PAM16: variants seen among roughly 807,000 people sequenced by gnomAD.
PAM16 encodes presequence translocase associated motor 16.
PAM16 carries 11 observed loss-of-function variants against 17.9 expected under a neutral mutation model. The ratio of observed to expected loss-of-function variants is 0.62; its 90% confidence interval spans 0.39 to 1.02. The LOEUF is 1.02. Ranked by LOEUF, PAM16 falls within the 50% of genes least tolerant of loss-of-function variation. The pLI, the probability that PAM16 is intolerant of heterozygous loss-of-function variation, is 0.01. For missense variants in PAM16, 199 were observed against 165.4 expected (o/e 1.20, Z -1.11); for synonymous variants, 72 against 67.4 (o/e 1.07, Z -0.34).
chr16:4,345,809 C>A, intron 1 of PAM16: 1 of 984,148 alleles, frequency 1.0e-6, no homozygotes, highest in Non-Finnish European at 1.2e-6. Flanking sequence ...CTTCCTAAAG[C>A]CCCTCCCGAG....
At chr16:4,346,056 T>C in intron 1 of PAM16, 1 of 756,670 alleles carries the variant, frequency 1.3e-6, no homozygotes. Flanking sequence ...CTGGGGAGCT[T>C]CCCCGACCAT....
intron 1 of PAM16, chr16:4,344,171 G>A: frequency 2.6e-6 from 1 of 391,462 alleles, no homozygotes; most frequent in Non-Finnish European, 4.5e-6. Context: ...TCAAGACTGA[G>A]ATGGGATTCG....
intron 1 of PAM16, among the ~76,000 whole-genome samples, chr16:4,349,076 C>T (rs1596255836): frequency 6.6e-6 from 1 of 152,064 alleles, no homozygotes; most frequent in Admixed American, 6.6e-5. Flanking sequence ...CTGCCTCAGC[C>T]TCCTGAGTAG....
intron 1 of PAM16, among the ~76,000 whole-genome samples, chr16:4,349,745 C>CGACA (rs1436895544): frequency 6.6e-6 from 1 of 152,018 alleles, no homozygotes; most frequent in Non-Finnish European, 1.5e-5. Flanking sequence ...CTAGCCGGGG[C>CGACA]GACAGACAGA....
intron 1 of PAM16, among the ~76,000 whole-genome samples, chr16:4,350,453 G>C (rs1003876743): frequency 2.6e-5 from 4 of 151,964 alleles, no homozygotes; most frequent in African/African-American, 9.7e-5. Context: ...CCAGGCTAGA[G>C]TGCACTGGCG....
At chr16:4,345,134 G>C (rs1463335618) in intron 1 of PAM16, among the ~76,000 whole-genome samples, 1 of 152,096 alleles carries the variant, frequency 6.6e-6, no homozygotes, top group African/African-American at 2.4e-5. Flanking sequence ...CGTAGACGCA[G>C]GGGGGTGGCG....
intron 2 of PAM16, 156 bp from the exon 3 acceptor site, chr16:4,341,660 T>C: frequency 7.8e-7 from 1 of 1,288,330 alleles, no homozygotes; most frequent in Non-Finnish European, 1.0e-6. Context: ...GTTTCCTTTT[T>C]AGGGGGTAGA....
intron 1 of PAM16, chr16:4,347,403 GTGCTAGGA>G (rs2053775223): frequency 6.6e-6 from 1 of 152,214 alleles, no homozygotes. Context: ...GCTTCCCAAA[GTGCTAGGA>G]TTACAGGTGT....
In PAM16 at chr16:4,340,363, G is replaced by C. The variant is rs752861765; in HGVS notation, c.334C>G (p.Gln112Glu). ...KERLDEELKI[Q>E]AQEDREKGQM... The stretch of plus-strand genomic sequence containing the variant: ...CCTTTTTCTCTGTCCTCCTGGGCCT[G>C]GATTTTGAGTTCCTCATCCAGGCGC... The change falls in exon 5 of 5, where the codon CAG (glutamine) becomes GAG (glutamate). Residue 112 changes from glutamine to glutamate, a missense_variant. Coordinates refer to ENST00000318059, the MANE Select transcript of PAM16 (RefSeq NM_016069.11). 6.2e-7 allele frequency: 1 copy of C among 1,612,974 alleles called. No homozygotes were observed. Among genetic ancestry groups the C allele is most frequent in the Non-Finnish European group, 8.5e-7 (1 of 1,179,926 alleles).
At position 4,348,996 on chromosome 16, in the gene PAM16, C is replaced by T. The variant is rs1401985617; in HGVS notation, c.3+2236G>A. Reference sequence around the variant, plus strand: ...TTGAGACGGAGTCTTGCTCTGTCACCCAGGCCGGAGTGCAGTAGCGCGACC... The same window carrying T: ...TTGAGACGGAGTCTTGCTCTGTCACTCAGGCCGGAGTGCAGTAGCGCGACC... On this transcript the variant is annotated intron_variant, in intron 1 of 4. Transcript: ENST00000318059. 2.1e-5 allele frequency among the ~76,000 whole-genome samples: 3 copies of T among 146,090 alleles called. No individual in the cohort carries two copies. In the Admixed American group the frequency reaches 2.1e-4, roughly 10 times the overall value.
intron 1 of PAM16, among the ~76,000 whole-genome samples, chr16:4,349,213 C>T (rs1222121601): frequency 1.3e-5 from 2 of 151,962 alleles, no homozygotes; most frequent in African/African-American, 2.4e-5. Flanking sequence ...CCTGAGACCC[C>T]CAAAGTGCTG....
rs2053678730 is a variant in PAM16, at chr16:4,343,283, G to A, written c.12C>T (p.Tyr4=). 1.2e-6 allele frequency: 2 copies of A among 1,610,996 alleles called. No individual in the cohort carries two copies. The highest frequency in any genetic ancestry group is 2.7e-5 in the African/African-American group (2 of 75,052). The stretch of plus-strand genomic sequence containing the variant: ...CGCCCATCACAATGATCTGGGCCAG[G>A]TACTTGGCCTGTGGGCAAAGCAGGC... The part of the protein sequence containing the change: MAK[Y]LAQIIVMGVQ... Residue 4 remains tyrosine (Y), a synonymous_variant, in exon 2 of 5, where the codon TAC becomes TAT. Coordinates refer to ENST00000318059, the MANE Select transcript of PAM16 (RefSeq NM_016069.11).
At chr16:4,343,633 AG>A in intron 1 of PAM16, 2 of 1,270,930 alleles carry the variant, frequency 1.6e-6, no homozygotes, top group Non-Finnish European at 2.0e-6. Flanking sequence ...GCCAGAACAC[AG>A]GGACAGCCCT....
intron 4 of PAM16, 42 bp from the exon 5 acceptor site, chr16:4,340,447 G>C (rs199523158): frequency 1.3e-6 from 2 of 1,596,192 alleles, no homozygotes; most frequent in African/African-American, 2.7e-5. Flanking sequence ...CCAAGCCTCC[G>C]CCCCATACCC....
At chr16:4,347,216 G>A (rs1039534309) in intron 1 of PAM16, 1 of 152,148 alleles carries the variant, frequency 6.6e-6, no homozygotes, top group Non-Finnish European at 1.5e-5. Context: ...GGCCATTAGG[G>A]GAATGAACAA....
At chr16:4,346,025 C>CG in intron 1 of PAM16, 1 of 959,806 alleles carries the variant, frequency 1.0e-6, no homozygotes, top group Non-Finnish European at 1.2e-6. Flanking sequence ...AAATAATGAA[C>CG]GGTAAGAGCT....
intron 1 of PAM16, chr16:4,343,627 G>C (rs1229363454): frequency 7.7e-7 from 1 of 1,297,532 alleles, no homozygotes; most frequent in East Asian, 2.8e-5. Flanking sequence ...CTGGGAGCCA[G>C]AACACAGGGA....
chr16:4,350,166 G>A (rs2053826544), intron 1 of PAM16, among the ~76,000 whole-genome samples: 2 of 151,612 alleles, frequency 1.3e-5, no homozygotes, highest in African/African-American at 4.9e-5. Flanking sequence ...CCAGACTGGA[G>A]TGCAGTGGCA....
intron 2 of PAM16, among the ~76,000 whole-genome samples, chr16:4,342,430 A>G (rs936997742): frequency 3.3e-5 from 5 of 151,826 alleles, no homozygotes; most frequent in East Asian, 1.9e-4. Flanking sequence ...CGAGGTGGGC[A>G]TATCACGTGA....
Sources: allele counts gnomAD v4.1 joint callset (sites outside exome capture counted in the v4.1 genomes callset), GRCh38; gene constraint gnomAD v4.1.1; transcripts MANE v1.5; gene names NCBI Gene and HGNC (gene_info 2026-07-23, HGNC 2026-07-21).